Variants in TNN observed in about 807,000 individuals in gnomAD.
TNN encodes tenascin N.
A neutral mutation model predicts 134.4 loss-of-function variants in TNN; 122 were observed. The ratio of observed to expected loss-of-function variants is 0.91; its 90% CI spans 0.78 to 1.06. TNN has a LOEUF of 1.06. Ranked by LOEUF, TNN falls within the 50% of genes least tolerant of loss-of-function variation. The pLI is 0.00. For missense variants in TNN, 1,739 were observed against 1,699.4 expected, an observed-to-expected ratio of 1.02 and a Z score of -0.41; for synonymous variants, 710 against 670.3, an observed-to-expected ratio of 1.06 and a Z score of -0.91.
chr1:175,131,665 T>C (rs1434009826), intron 15 of TNN, among the ~76,000 whole-genome samples: 1 of 152,202 alleles, frequency 6.6e-6, no homozygotes, highest in Non-Finnish European at 1.5e-5. Context: ...TAACTTATTA[T>C]ATCTATATAT....
intron 6 of TNN, among the ~76,000 whole-genome samples, chr1:175,090,093 T>C (rs190495432): frequency 3.9e-5 from 6 of 152,344 alleles, no homozygotes; most frequent in African/African-American, 1.4e-4. Context: ...CTCTGGTCCT[T>C]ATAATATCAA....
At position 175,104,807 on chromosome 1, in the gene TNN, G is replaced by T. The variant is rs906074145; in HGVS notation, c.2119+6212G>T. Among the ~76,000 whole-genome samples, 5 of 146,062 alleles carry T rather than the reference G, an allele frequency of 3.4e-5. 1 individual carries two copies. Among genetic ancestry groups the T allele is most frequent in the Non-Finnish European group, 3.0e-5 (2 of 65,782 alleles). ...ACCCTCGAGTGATTCGGGTGACAGGGGAGTATATTTTCTTAAGGCCTCTTG... is the reference window on the plus strand; with the variant it reads ...ACCCTCGAGTGATTCGGGTGACAGGTGAGTATATTTTCTTAAGGCCTCTTG... On this transcript the variant is annotated intron_variant, in intron 9 of 18. Transcript: ENST00000239462.
chr1:175,128,892 T>C, intron 15 of TNN, 146 bp downstream of exon 15: 1 of 853,956 alleles, frequency 1.2e-6, no homozygotes, highest in Non-Finnish European at 1.6e-6. Context: ...TGTAGCTGTT[T>C]TTAGAGAGAT....
At position 175,136,907 on chromosome 1, in the gene TNN, T is replaced by C. The variant is rs1227376424; in HGVS notation, c.3514T>C (p.Tyr1172His). The C allele has an allele frequency of 6.8e-6, 11 of 1,614,222 alleles. No individual in the cohort carries two copies. The highest frequency in any genetic ancestry group is 7.6e-6 in the Non-Finnish European group (9 of 1,180,040). Reference protein sequence around the residue: ...VDLQTANESAYAIYDFFQVAS... With the variant: ...VDLQTANESAHAIYDFFQVAS... ...TTTACAGACTGCCAATGAATCTGCC[T>C]ATGCTATATATGATTTCTTCCAAGT... Residue 1172 changes from tyrosine to histidine, a missense_variant, in exon 17 of 19, where the codon TAT (tyrosine) becomes CAT (histidine). Tyr to His is a moderately conservative substitution (Grantham distance 83, BLOSUM62 2). Coordinates refer to ENST00000239462, the MANE Select transcript of TNN (RefSeq NM_022093.2).
chr1:175,068,058 T>C lies in TNN; in HGVS notation c.-36+123T>C, dbSNP rs1054223217. On this transcript the variant is annotated intron_variant, in intron 1 of 18. Transcript: ENST00000239462. ...AGCCTGAAAATCCGGGCAGTGTAAT[T>C]AGTCTCCTATCACCTCCATGAAGAG... is the stretch of plus-strand genomic sequence containing the variant. The C allele has an allele frequency of 1.2e-5, 5 of 415,110 alleles. No individual in the cohort carries two copies. The Admixed American group carries it at 1.3e-4, about 11-fold the overall frequency. The allele number at this position is 415,110 out of a possible 1,614,324, so 25.7% of individuals were successfully genotyped here. A position where few individuals can be genotyped will look rare whatever the true frequency, so the allele number is the denominator to read the frequency against.
intron 18 of TNN, among the ~76,000 whole-genome samples, chr1:175,146,472 C>A (rs1166884621): frequency 6.6e-6 from 1 of 152,158 alleles, no homozygotes; most frequent in East Asian, 1.9e-4. Flanking sequence ...TTTGTTACCC[C>A]AGAGCTAATA....
chr1:175,110,312 T>C (rs907160652), intron 9 of TNN, among the ~76,000 whole-genome samples: 1 of 152,380 alleles, frequency 6.6e-6, no homozygotes, highest in East Asian at 1.9e-4. Flanking sequence ...TCTCCCATTA[T>C]GTAGGTTGTC....
At chr1:175,096,017 CATG>C (rs1229405596) in intron 7 of TNN, among the ~76,000 whole-genome samples, 1 of 152,240 alleles carries the variant, frequency 6.6e-6, no homozygotes, top group Admixed American at 6.5e-5. Context: ...GGGGCACAAA[CATG>C]AAGGAAGTGA....
At chr1:175,109,070 G>GTTTTTTTTTTTT (rs1338891175) in intron 9 of TNN, among the ~76,000 whole-genome samples, 3 of 88,340 alleles carry the variant, frequency 3.4e-5, no homozygotes, top group African/African-American at 1.2e-4. Flanking sequence ...CTATCTAACT[G>GTTTTTTTTTTTT]TATTTTTTTT....
intron 15 of TNN, among the ~76,000 whole-genome samples, chr1:175,129,207 A>T (rs1237035660): frequency 6.6e-6 from 1 of 152,230 alleles, no homozygotes; most frequent in Non-Finnish European, 1.5e-5. Flanking sequence ...ATTTTGCGAG[A>T]ATCAATATTA....
Position 175,135,101 on chromosome 1 carries a change from CAG to C in TNN, c.3331-743_3331-742del, listed in dbSNP as rs1195929099. The stretch of plus-strand genomic sequence containing the variant: ...GACCACTCCTACTCATCCTGCAGCT[CAG>C]CCATGTCCTGGGGGTGGTTTCTTGG... On this transcript the variant is annotated intron_variant, in intron 15 of 18. Coordinates refer to ENST00000239462, the MANE Select transcript of TNN (RefSeq NM_022093.2). Among the ~76,000 whole-genome samples the C allele has an allele frequency of 4.6e-5, 7 of 152,316 alleles. 1 individual carries two copies. The East Asian group carries it at 1.2e-3, about 25-fold the overall frequency.
intron 6 of TNN, among the ~76,000 whole-genome samples, chr1:175,087,506 G>A (rs1433972685): frequency 6.6e-6 from 1 of 152,144 alleles, no homozygotes; most frequent in Admixed American, 6.6e-5. Flanking sequence ...TTGGGGTCCC[G>A]AGTTTTTTAT....
At chr1:175,132,196 G>A (rs747883496) in intron 15 of TNN, among the ~76,000 whole-genome samples, 2 of 152,160 alleles carry the variant, frequency 1.3e-5, no homozygotes, top group Non-Finnish European at 2.9e-5. Flanking sequence ...ACCTTGCTAG[G>A]AAATTAGCAA....
chr1:175,079,412 C>A lies in TNN; in HGVS notation c.489C>A (p.Gly163=), dbSNP rs745309330. The A allele has an allele frequency of 6.3e-7, 1 of 1,593,310 alleles. No homozygotes were observed. The highest frequency in any genetic ancestry group is 1.1e-5 in the South Asian group (1 of 89,512). Residue 163 remains glycine, a synonymous_variant, in exon 3 of 19, where the codon GGC becomes GGA. Coordinates refer to ENST00000239462, the MANE Select transcript of TNN (RefSeq NM_022093.2). ...CSCHCEEGRE[G]PACERLACPG... is the part of the protein sequence containing the mutation. ...GCCACTGCGAAGAGGGCAGGGAGGG[C>A]CCCGCCTGCGAGCGGCTGGCCTGCC...
At chr1:175,105,369 G>A (rs1674823423) in intron 9 of TNN, among the ~76,000 whole-genome samples, 1 of 145,474 alleles carries the variant, frequency 6.9e-6, no homozygotes, top group Non-Finnish European at 1.5e-5. Context: ...GGGGGTTTTT[G>A]TGGACCTTTG....
chr1:175,073,842 C>T (rs1219214984), intron 1 of TNN, among the ~76,000 whole-genome samples: 1 of 152,154 alleles, frequency 6.6e-6, no homozygotes, highest in East Asian at 1.9e-4. Flanking sequence ...TTAGATATTC[C>T]CCTTCCCACC....
chr1:175,147,122 G>A lies in TNN; in HGVS notation c.*51G>A. The A allele has an allele frequency of 4.2e-6, 6 of 1,438,690 alleles. No individual in the cohort carries two copies. The highest frequency in any genetic ancestry group is 5.5e-6 in the Non-Finnish European group (6 of 1,083,492). The allele number at this position is 1,438,690 out of a possible 1,614,324, so 89.1% of individuals were successfully genotyped here. ...GAGACACCACCAGCTGTGGCAGCTT[G>A]GGGCGGGGTGGGTAGTGGTCACTGC... On this transcript the variant is annotated 3_prime_UTR_variant, in exon 19 of 19. Coordinates refer to ENST00000239462, the MANE Select transcript of TNN (RefSeq NM_022093.2).
At chr1:175,087,273 A>G (rs1356838136) in intron 6 of TNN, among the ~76,000 whole-genome samples, 1 of 152,218 alleles carries the variant, frequency 6.6e-6, no homozygotes, top group Non-Finnish European at 1.5e-5. Flanking sequence ...TGGGCTGAAG[A>G]GGAAATAGGG....
intron 6 of TNN, among the ~76,000 whole-genome samples, chr1:175,091,167 C>T (rs1253133785): frequency 1.3e-5 from 2 of 152,258 alleles, no homozygotes; most frequent in Non-Finnish European, 2.9e-5. Context: ...ATTCCTGTGT[C>T]TCAGCACCTG....
Sources: allele counts gnomAD v4.1 joint callset (sites outside exome capture counted in the v4.1 genomes callset), GRCh38; gene constraint gnomAD v4.1.1; transcripts MANE v1.5; gene names NCBI Gene and HGNC (gene_info 2026-07-23, HGNC 2026-07-21).